Variants in CDH13 observed in about 807,000 individuals in gnomAD.
The protein encoded by CDH13 is cadherin 13.
A neutral mutation model predicts 63.8 loss-of-function variants in CDH13; 24 were observed. The ratio of observed to expected loss-of-function variants is 0.38; its 90% CI spans 0.27 to 0.53. The LOEUF (loss-of-function observed/expected upper bound fraction) is 0.53, where lower values mean the gene tolerates loss of function less well. CDH13 is among the 20% of genes least tolerant of loss of function. The pLI, the probability that CDH13 is intolerant of heterozygous loss-of-function variation, is 0.85. For synonymous variants in CDH13, 503 were observed against 355.3 expected, an observed-to-expected ratio of 1.42 and a Z score of -4.67; for missense variants, 1,049 against 903.1, an observed-to-expected ratio of 1.16 and a Z score of -2.07.
intron 2 of CDH13, among the ~76,000 whole-genome samples, chr16:83,028,208 A>T (rs1488902458): frequency 6.6e-6 from 1 of 152,204 alleles, no homozygotes; most frequent in Non-Finnish European, 1.5e-5. Flanking sequence ...CCAGTGGATG[A>T]ATACTAATTG....
intron 10 of CDH13, among the ~76,000 whole-genome samples, chr16:83,715,116 C>T (rs1347662061): frequency 3.3e-5 from 5 of 152,112 alleles, no homozygotes; most frequent in Non-Finnish European, 5.9e-5. Context: ...CTCATAAATA[C>T]CCCCACCTTA....
intron 5 of CDH13, among the ~76,000 whole-genome samples, chr16:83,291,508 A>G (rs1174626476): frequency 3.3e-5 from 5 of 152,302 alleles, no homozygotes; most frequent in African/African-American, 1.2e-4. Flanking sequence ...TAGTAGCAAG[A>G]TATTAGAAGT....
chr16:83,159,935 G>A (rs553152556), intron 4 of CDH13, among the ~76,000 whole-genome samples: 25 of 152,040 alleles, frequency 1.6e-4, no homozygotes, highest in African/African-American at 4.8e-5. Flanking sequence ...AATTAGCCGG[G>A]CATGGTGGTG....
At chr16:83,393,713 C>A (rs780217622) in intron 6 of CDH13, among the ~76,000 whole-genome samples, 2 of 152,030 alleles carry the variant, frequency 1.3e-5, no homozygotes, top group Non-Finnish European at 2.9e-5. Flanking sequence ...TGAATGAATC[C>A]CCTGGTCAAG....
intron 7 of CDH13, among the ~76,000 whole-genome samples, chr16:83,512,038 G>A (rs773431259): frequency 6.6e-6 from 1 of 152,054 alleles, no homozygotes; most frequent in Non-Finnish European, 1.5e-5. Context: ...AATAAAGGAA[G>A]GGGCCAGGCG....
intron 7 of CDH13, among the ~76,000 whole-genome samples, chr16:83,579,444 G>C (rs879703983): frequency 1.3e-5 from 2 of 152,246 alleles, no homozygotes; most frequent in Admixed American, 6.5e-5. Flanking sequence ...AGGGGAAGTA[G>C]GTATGTCTTA....
chr16:83,738,930 G>A (rs1188571001), intron 10 of CDH13, among the ~76,000 whole-genome samples: 2 of 152,150 alleles, frequency 1.3e-5, no homozygotes, highest in Admixed American at 1.3e-4. Context: ...GGGTTTAGGA[G>A]AAATAGGAAT....
At chr16:82,971,613 G>A (rs187848312) in intron 2 of CDH13, among the ~76,000 whole-genome samples, 229 of 152,284 alleles carry the variant, frequency 1.5e-3, no homozygotes, top group Admixed American at 4.4e-3. Context: ...ACTAGTGTGC[G>A]TTAAATGACA....
intron 4 of CDH13, among the ~76,000 whole-genome samples, chr16:83,172,584 A>C (rs2037967848): frequency 8.1e-6 from 1 of 123,756 alleles, no homozygotes; most frequent in Non-Finnish European, 1.7e-5. Context: ...AAAACAAACA[A>C]ACAACAAGAA....
At chr16:83,538,078 A>G (rs2075228625) in intron 7 of CDH13, among the ~76,000 whole-genome samples, 1 of 152,086 alleles carries the variant, frequency 6.6e-6, no homozygotes, top group African/African-American at 2.4e-5. Context: ...AATATGCGCT[A>G]TGTTTTTGCC....
intron 10 of CDH13, among the ~76,000 whole-genome samples, chr16:83,701,553 A>G (rs1906234201): frequency 6.6e-6 from 1 of 152,142 alleles, no homozygotes; most frequent in Non-Finnish European, 1.5e-5. Context: ...AGCTACAACT[A>G]AAACCCTGGA....
intron 7 of CDH13, among the ~76,000 whole-genome samples, chr16:83,588,685 T>C (rs1906416451): frequency 6.6e-6 from 1 of 152,224 alleles, no homozygotes; most frequent in Non-Finnish European, 1.5e-5. Flanking sequence ...TTTACCACTT[T>C]GTAGATGGCA....
At chr16:83,553,665 T>A (rs904933721) in intron 7 of CDH13, among the ~76,000 whole-genome samples, 3 of 152,342 alleles carry the variant, frequency 2.0e-5, no homozygotes, top group African/African-American at 4.8e-5. Flanking sequence ...CAAGCCATTT[T>A]CCTGCATCAG....
intron 4 of CDH13, among the ~76,000 whole-genome samples, chr16:83,171,291 G>T (rs1038632179): frequency 6.6e-6 from 1 of 152,036 alleles, no homozygotes. Flanking sequence ...ACCAGATCTT[G>T]TGAGAACTCT....
chr16:83,676,138 C>T (rs368690605), intron 9 of CDH13, among the ~76,000 whole-genome samples: 7 of 152,154 alleles, frequency 4.6e-5, no homozygotes, highest in East Asian at 1.9e-4. Context: ...TGTCCCCAGC[C>T]GAGGAAAAGG....
chr16:83,760,269 A>G (rs1685505799), intron 11 of CDH13, among the ~76,000 whole-genome samples: 1 of 152,234 alleles, frequency 6.6e-6, no homozygotes, highest in African/African-American at 2.4e-5. Flanking sequence ...AGAAGTGTAA[A>G]TTGGGTACAG....
At chr16:82,682,778 A>G (rs1298872609) in intron 1 of CDH13, among the ~76,000 whole-genome samples, 2 of 152,198 alleles carry the variant, frequency 1.3e-5, no homozygotes. Flanking sequence ...AATATTGGAA[A>G]GATCTTCTGA....
chr16:83,378,138 C>G (rs2091490559), intron 6 of CDH13, among the ~76,000 whole-genome samples: 1 of 152,202 alleles, frequency 6.6e-6, no homozygotes, highest in Non-Finnish European at 1.5e-5. Flanking sequence ...ACCATCATCA[C>G]TACGATTTAT....
intron 5 of CDH13, among the ~76,000 whole-genome samples, chr16:83,238,744 GTTT>G (rs1182917929): frequency 0.074 from 899 of 12,182 alleles, 1 homozygote; most frequent in Middle Eastern, 0.28. Flanking sequence ...GTGTTTTTTT[GTTT>G]GTTTGTTTGT....
Sources: gnomAD v4.1 joint callset for allele counts (sites outside exome capture counted in the v4.1 genomes callset) on GRCh38, gnomAD v4.1.1 for gene constraint, MANE v1.5 for transcripts, NCBI Gene and HGNC (gene_info 2026-07-23, HGNC 2026-07-21) for gene names.